The following ROBO2 variants were observed in gnomAD, a reference collection of about 807,000 sequenced individuals.
ROBO2 encodes the protein roundabout homolog 2.
Under a neutral mutation model 160.8 loss-of-function variants are expected in ROBO2, and 53 were observed. The observed-to-expected ratio is 0.33, with a 90% CI of 0.26 to 0.41. The LOEUF is 0.41. ROBO2 is among the 10% of genes least tolerant of loss of function. The pLI is 1.00. For synonymous variants in ROBO2, 664 were observed against 611.7 expected (o/e 1.09, Z -1.26); for missense variants, 1,577 against 1,722.4 (o/e 0.92, Z 1.49).
Position 75,917,924 on chromosome 3 carries a change from T to C in ROBO2, c.-14+10964T>C, listed in dbSNP as rs535739213. 7.2e-5 allele frequency among the ~76,000 whole-genome samples: 11 copies of C among 152,298 alleles called. No homozygotes were observed. The East Asian group carries it at 2.1e-3, about 29-fold the overall frequency. On this transcript the variant is annotated intron_variant, in intron 1 of 26. Transcript: ENST00000487694. ...ATTTGTTTAAGTTCCTTCTAGATTC[T>C]GGATATTAGACCTTTGTCAGATGGA...
Position 76,235,941 on chromosome 3 carries a change from C to A in ROBO2, c.109+298339C>A, listed in dbSNP as rs573212568. Reference sequence around the variant, plus strand: ...GATGAAGAAAGCAGGGAAGGAAACACATTTAAGTTATCAAAAATAATAGAA... The same window carrying A: ...GATGAAGAAAGCAGGGAAGGAAACAAATTTAAGTTATCAAAAATAATAGAA... On this transcript the variant is annotated intron_variant, in intron 2 of 26. Coordinates refer to the ROBO2 transcript ENST00000487694. Among the ~76,000 whole-genome samples, 4 of 152,158 alleles carry A rather than the reference C, an allele frequency of 2.6e-5. No homozygotes were observed. In the South Asian group the frequency reaches 8.3e-4, roughly 32 times the overall value.
At chr3:76,268,259 A>C (rs1707216616) in intron 2 of ROBO2, among the ~76,000 whole-genome samples, 1 of 150,002 alleles carries the variant, frequency 6.7e-6, no homozygotes, top group African/African-American at 2.4e-5. Flanking sequence ...AGCAGAGCAA[A>C]GAAAGCGAAG....
intron 2 of ROBO2, among the ~76,000 whole-genome samples, chr3:76,391,292 A>G (rs900257128): frequency 6.6e-6 from 1 of 152,154 alleles, no homozygotes; most frequent in African/African-American, 2.4e-5. Context: ...GTATTTTGCT[A>G]AAAATGGTTT....
chr3:77,568,574 T>A, intron 13 of ROBO2, 140 bp downstream of exon 14: 1 of 990,350 alleles, frequency 1.0e-6, no homozygotes, highest in Non-Finnish European at 1.5e-6. Flanking sequence ...GTAAAGAAAA[T>A]CAACAAATTA....
chr3:77,591,032 C>T (rs1202570234), intron 17 of ROBO2, among the ~76,000 whole-genome samples: 1 of 151,930 alleles, frequency 6.6e-6, no homozygotes, highest in Non-Finnish European at 1.5e-5. Flanking sequence ...AGATGGCTCA[C>T]TATGAAGATA....
chr3:76,685,424 GA>G (rs1193844073), intron 2 of ROBO2, among the ~76,000 whole-genome samples: 1 of 151,968 alleles, frequency 6.6e-6, no homozygotes, highest in Non-Finnish European at 1.5e-5. Context: ...TTAAATTATT[GA>G]AAAATTTCTT....
chr3:77,474,844 A>G (rs2083798499), intron 2 of ROBO2, among the ~76,000 whole-genome samples: 1 of 152,220 alleles, frequency 6.6e-6, no homozygotes, highest in Non-Finnish European at 1.5e-5. Flanking sequence ...TCCAAGGCAG[A>G]AATGAATAAT....
chr3:75,912,828 G>A (rs1055918214), intron 1 of ROBO2, among the ~76,000 whole-genome samples: 2 of 152,150 alleles, frequency 1.3e-5, no homozygotes, highest in Non-Finnish European at 2.9e-5. Context: ...ATAATCCTGT[G>A]ATTGAGTTTA....
At chr3:76,913,800 T>A (rs1251449916) in intron 2 of ROBO2, among the ~76,000 whole-genome samples, 1 of 152,188 alleles carries the variant, frequency 6.6e-6, no homozygotes, top group Non-Finnish European at 1.5e-5. Flanking sequence ...TGAGTAATAC[T>A]CCTTTAGAGG....
At chr3:76,214,244 C>T (rs2107343430) in intron 2 of ROBO2, among the ~76,000 whole-genome samples, 1 of 152,308 alleles carries the variant, frequency 6.6e-6, no homozygotes, top group East Asian at 1.9e-4. Flanking sequence ...ATCCACTCCT[C>T]AGAAAAGAAG....
intron 2 of ROBO2, among the ~76,000 whole-genome samples, chr3:76,610,689 CAG>C (rs2088035128): frequency 3.5e-5 from 5 of 143,118 alleles, no homozygotes; most frequent in Non-Finnish European, 6.0e-5. Context: ...CTGTGTGGTC[CAG>C]TGAGCAGGAG....
At chr3:76,316,000 A>G (rs1275155135) in intron 2 of ROBO2, among the ~76,000 whole-genome samples, 1 of 152,126 alleles carries the variant, frequency 6.6e-6, no homozygotes, top group African/African-American at 2.4e-5. Flanking sequence ...GAGCTGGAAA[A>G]CCAGCAAGTT....
At chr3:77,034,876 G>C (rs1047149161) in intron 2 of ROBO2, among the ~76,000 whole-genome samples, 6 of 151,872 alleles carry the variant, frequency 4.0e-5, no homozygotes, top group African/African-American at 1.4e-4. Context: ...GAATCAAAGG[G>C]ATTTTCTTGG....
chr3:77,000,305 A>C (rs1025468292), intron 2 of ROBO2, among the ~76,000 whole-genome samples: 2 of 152,136 alleles, frequency 1.3e-5, no homozygotes, highest in Non-Finnish European at 2.9e-5. Context: ...TGGGTCCTAT[A>C]AGAATCATTA....
At chr3:77,343,657 CT>C (rs1185344769) in intron 2 of ROBO2, among the ~76,000 whole-genome samples, 1 of 152,112 alleles carries the variant, frequency 6.6e-6, no homozygotes, top group Non-Finnish European at 1.5e-5. Flanking sequence ...GTGTCAAGTG[CT>C]TAATATAATT....
At chr3:76,313,716 A>G (rs542691562) in intron 2 of ROBO2, among the ~76,000 whole-genome samples, 1 of 152,332 alleles carries the variant, frequency 6.6e-6, no homozygotes, top group South Asian at 2.1e-4. Context: ...AAAGATACCA[A>G]TAGCAAACAA....
intron 2 of ROBO2, among the ~76,000 whole-genome samples, chr3:76,786,281 C>T (rs1445768875): frequency 6.6e-6 from 1 of 151,032 alleles, no homozygotes; most frequent in African/African-American, 2.4e-5. Context: ...TAAATGAGAC[C>T]TATATTAGTC....
chr3:76,923,404 T>C (rs1037687562), intron 2 of ROBO2, among the ~76,000 whole-genome samples: 1 of 152,250 alleles, frequency 6.6e-6, no homozygotes, highest in African/African-American at 2.4e-5. Context: ...CAGACAGTTA[T>C]TGTAACTATG....
At chr3:76,316,737 A>T (rs1426795288) in intron 2 of ROBO2, among the ~76,000 whole-genome samples, 1 of 152,258 alleles carries the variant, frequency 6.6e-6, no homozygotes, top group East Asian at 1.9e-4. Flanking sequence ...TTATGTTCAG[A>T]GACTGAAGTG....
Sources: gnomAD v4.1 joint callset for allele counts (sites outside exome capture counted in the v4.1 genomes callset) on GRCh38, gnomAD v4.1.1 for gene constraint, MANE v1.5 for transcripts, NCBI Gene and HGNC (gene_info 2026-07-23, HGNC 2026-07-21) for gene names.